The following TARS3 variants were observed in gnomAD, a reference collection of about 807,000 sequenced individuals.
TARS3 encodes threonine--tRNA ligase 2, cytoplasmic.
A neutral mutation model predicts 103.5 loss-of-function variants in TARS3; 94 were observed. That is an observed-to-expected ratio of 0.91 (90% CI 0.77 to 1.08). TARS3 has a LOEUF of 1.08. TARS3 is among the 50% of genes least tolerant of loss of function. The pLI is 0.00. For missense variants in TARS3, 952 were observed against 995.2 expected (o/e 0.96, Z 0.58); for synonymous variants, 416 against 355.4 (o/e 1.17, Z -1.92).
Position 101,664,921 on chromosome 15 carries a change from GAAC to G in TARS3, c.1968-3108_1968-3106del, listed in dbSNP as rs1167671058. Among the ~76,000 whole-genome samples, 7 of 146,912 alleles carry G rather than the reference GAAC, an allele frequency of 4.8e-5. No homozygotes were observed. The East Asian group carries it at 9.7e-4, about 20-fold the overall frequency. The stretch of plus-strand genomic sequence containing the variant: ...AGTCTCAGGAAGAAACACAAAACAC[GAAC>G]AACAGAGATTGTAGAACTGAAAACT... On this transcript the variant is annotated intron_variant, in intron 15 of 18. Transcript: ENST00000335968.
intron 11 of TARS3, among the ~76,000 whole-genome samples, chr15:101,685,192 T>G (rs908870329): frequency 6.6e-6 from 1 of 152,214 alleles, no homozygotes; most frequent in African/African-American, 2.4e-5. Flanking sequence ...AAACTATGTA[T>G]GTTGATAATA....
chr15:101,656,085 C>A (rs932643561), intron 18 of TARS3: 1 of 1,278,354 alleles, frequency 7.8e-7, no homozygotes, highest in East Asian at 5.6e-5. Context: ...AAGACAGGAA[C>A]GAGAAATGGG....
Position 101,685,994 on chromosome 15 carries a change from T to C in TARS3, c.1389A>G (p.Glu463=), listed in dbSNP as rs1227796004. ...SPNMYNSKLW[E]ASGHWQHYSE... is the part of the protein sequence containing the mutation. ...TGTAATGCTGCCAGTGGCCTGAGGC[T>C]TCCCAGAGTTTACTGTTGTACATAT... The change falls in exon 11 of 19, where the codon GAA becomes GAG. Residue 463 remains glutamate, a synonymous_variant. Transcript: ENST00000335968. The C allele has an allele frequency of 6.2e-7, 1 of 1,614,074 alleles. No individual in the cohort carries two copies. The highest frequency in any genetic ancestry group is 1.1e-5 in the South Asian group (1 of 91,068).
chr15:101,703,100 C>T (rs1025758105), intron 8 of TARS3, among the ~76,000 whole-genome samples: 3 of 152,132 alleles, frequency 2.0e-5, no homozygotes, highest in Admixed American at 6.5e-5. Context: ...AAAATCAAAG[C>T]CAAGAAAGGC....
intron 13 of TARS3, 58 bp downstream of exon 13, chr15:101,675,542 C>T (rs1483338007): frequency 6.5e-7 from 1 of 1,530,410 alleles, no homozygotes; most frequent in Non-Finnish European, 8.9e-7. Flanking sequence ...AGACTGCAGC[C>T]TCTCAGGTGT....
At position 101,687,219 on chromosome 15, in the gene TARS3, A is replaced by G. The variant is rs1021049400; in HGVS notation, c.1321-1157T>C. Among the ~76,000 whole-genome samples, 11 of 152,088 alleles carry G rather than the reference A, an allele frequency of 7.2e-5. 1 individual carries two copies. The highest frequency in any genetic ancestry group is 1.5e-4 in the Non-Finnish European group (10 of 68,016). On this transcript the variant is annotated intron_variant, in intron 10 of 18. Coordinates refer to ENST00000335968, the MANE Select transcript of TARS3 (RefSeq NM_152334.3). ...GGAGTTTGAGACCAGCCTGGCTAAC[A>G]TGATGAAACCCCATCTCCACTAAAA...
chr15:101,684,035 A>C (rs1898361649), intron 12 of TARS3, 40 bp downstream of exon 12: 1 of 1,586,980 alleles, frequency 6.3e-7, no homozygotes, highest in African/African-American at 1.3e-5. Context: ...CATCACACTC[A>C]ATTTGTGACC....
intron 15 of TARS3, among the ~76,000 whole-genome samples, chr15:101,662,158 A>C (rs926908072): frequency 6.6e-6 from 1 of 152,170 alleles, no homozygotes; most frequent in African/African-American, 2.4e-5. Context: ...CTCCCACATT[A>C]TAATCTTCAT....
chr15:101,711,758 G>T, intron 5 of TARS3, 122 bp downstream of exon 5: 1 of 1,174,764 alleles, frequency 8.5e-7, no homozygotes, highest in Non-Finnish European at 1.2e-6. Context: ...CATGGGCGTC[G>T]GTGCCCCTAA....
At chr15:101,722,826 C>CA (rs201549990) in intron 2 of TARS3, among the ~76,000 whole-genome samples, 154 of 148,294 alleles carry the variant, frequency 1.0e-3, no homozygotes, top group South Asian at 1.1e-3. Flanking sequence ...CTTCAAAAAA[C>CA]AAAAAAAAAC....
intron 18 of TARS3, among the ~76,000 whole-genome samples, chr15:101,656,623 A>G (rs1258171622): frequency 6.6e-6 from 1 of 152,252 alleles, no homozygotes; most frequent in Non-Finnish European, 1.5e-5. Context: ...TATAAAGTAT[A>G]TAATTCTACT....
chr15:101,668,945 C>T (rs1897689754), intron 15 of TARS3, among the ~76,000 whole-genome samples: 1 of 152,084 alleles, frequency 6.6e-6, no homozygotes, highest in Non-Finnish European at 1.5e-5. Flanking sequence ...ATTTACTACA[C>T]TATACTTTTA....
At chr15:101,722,467 T>C (rs1900523397) in intron 2 of TARS3, among the ~76,000 whole-genome samples, 1 of 150,428 alleles carries the variant, frequency 6.6e-6, no homozygotes, top group African/African-American at 2.4e-5. Context: ...CTGATTGTTT[T>C]AATGCTTTAT....
At chr15:101,698,058 C>T (rs1811641) in intron 10 of TARS3, among the ~76,000 whole-genome samples, 49,321 of 152,114 alleles carry the variant, frequency 0.32, 9,805 homozygotes, top group Non-Finnish European at 0.45. Context: ...TACCCCAGGC[C>T]GGGCGCGGTG....
At chr15:101,658,965 T>C (rs1007674163) in intron 16 of TARS3, among the ~76,000 whole-genome samples, 3 of 152,124 alleles carry the variant, frequency 2.0e-5, no homozygotes, top group African/African-American at 7.2e-5. Flanking sequence ...CTAATTTTTG[T>C]ATTTTCAGTA....
Position 101,686,013 on chromosome 15 carries a change from T to C in TARS3, c.1370A>G (p.Tyr457Cys), listed in dbSNP as rs1186484824. Reference sequence around the variant, plus strand: ...TGAGGCTTCCCAGAGTTTACTGTTGTACATATTGGGAGAGAGCACCTCCGT... The same window carrying C: ...TGAGGCTTCCCAGAGTTTACTGTTGCACATATTGGGAGAGAGCACCTCCGT... The part of the protein sequence containing the change: ...DFTEVLSPNM[Y>C]NSKLWEASGH... The change falls in exon 11 of 19, where the codon TAC becomes TGC. Residue 457 changes from tyrosine to cysteine, a missense_variant. Tyr to Cys is a radical substitution (Grantham distance 194). This residue lies in a region of TARS3 where 540 missense variants were observed against 631.0 expected (regional missense o/e 0.86). Transcript: ENST00000335968. 6.2e-7 allele frequency: 1 copy of C among 1,613,646 alleles called. No homozygotes were observed. Among genetic ancestry groups the C allele is most frequent in the African/African-American group, 1.3e-5 (1 of 74,930 alleles).
Position 101,675,669 on chromosome 15 carries a change from A to T in TARS3, c.1719T>A (p.Phe573Leu). The change falls in exon 13 of 19, where the codon TTT (phenylalanine) becomes TTA (leucine). Residue 573 changes from phenylalanine to leucine, a missense_variant. Coordinates refer to ENST00000335968, the MANE Select transcript of TARS3 (RefSeq NM_152334.3). ...CCGGCCTTGTTGACAGGTTTAATTGAAAGGAGAAGCCAAATGTTGAGTAAA... is the reference window on the plus strand; with the variant it reads ...CCGGCCTTGTTGACAGGTTTAATTGTAAGGAGAAGCCAAATGTTGAGTAAA... ...QSVYSTFGFS[F>L]QLNLSTRPEN... The T allele has an allele frequency of 6.2e-7, 1 of 1,614,156 alleles. No homozygotes were observed. Among genetic ancestry groups the T allele is most frequent in the Non-Finnish European group, 8.5e-7 (1 of 1,180,014 alleles).
At chr15:101,692,772 C>G (rs577739712) in intron 10 of TARS3, among the ~76,000 whole-genome samples, 1 of 152,330 alleles carries the variant, frequency 6.6e-6, no homozygotes, top group South Asian at 2.1e-4. Flanking sequence ...CTTAGCCAGG[C>G]CCATATCTCC....
chr15:101,677,051 C>A (rs2141397846), intron 12 of TARS3, among the ~76,000 whole-genome samples: 1 of 152,274 alleles, frequency 6.6e-6, no homozygotes, highest in Non-Finnish European at 1.5e-5. Flanking sequence ...TAAGTGAGAA[C>A]ATATGGAGTT....
Sources: gnomAD v4.1 joint callset for allele counts (sites outside exome capture counted in the v4.1 genomes callset) on GRCh38, gnomAD v4.1.1 for gene constraint, gnomAD v4.1.1 regional missense constraint, MANE v1.5 for transcripts, NCBI Gene and HGNC (gene_info 2026-07-23, HGNC 2026-07-21) for gene names.